Variants in BRINP1 observed in about 807,000 individuals in gnomAD.
The protein encoded by BRINP1 is BMP/retinoic acid inducible neural specific 1.
A neutral mutation model predicts 72.9 loss-of-function variants in BRINP1; 17 were observed. The observed-to-expected ratio is 0.23, with a 90% confidence interval of 0.16 to 0.35. The LOEUF (loss-of-function observed/expected upper bound fraction) is 0.35, where lower values mean the gene tolerates loss of function less well. Among genes scored for constraint, BRINP1 ranks in the 10% least tolerant of loss-of-function variants. BRINP1 has a pLI of 1.00. For missense variants in BRINP1, 850 were observed against 1,001.6 expected, an observed-to-expected ratio of 0.85 and a Z score of 2.04; for synonymous variants, 418 against 378.5, an observed-to-expected ratio of 1.10 and a Z score of -1.21.
intron 3 of BRINP1, among the ~76,000 whole-genome samples, chr9:119,246,192 T>C (rs1830314451): frequency 6.6e-6 from 1 of 152,228 alleles, no homozygotes; most frequent in East Asian, 1.9e-4. Context: ...TGGTTAATAC[T>C]GAGTGTCAAC....
intron 1 of BRINP1, among the ~76,000 whole-genome samples, chr9:119,331,065 C>T (rs1342869248): frequency 6.6e-6 from 1 of 152,110 alleles, no homozygotes; most frequent in Non-Finnish European, 1.5e-5. Flanking sequence ...AAACAGTCAT[C>T]AATTTTTACT....
intron 1 of BRINP1, among the ~76,000 whole-genome samples, chr9:119,338,132 G>A (rs935723791): frequency 1.3e-5 from 2 of 152,172 alleles, no homozygotes; most frequent in Non-Finnish European, 2.9e-5. Context: ...AGTTGCAGGA[G>A]AGGATATCTA....
At chr9:119,363,277 A>G (rs1000009629) in intron 1 of BRINP1, among the ~76,000 whole-genome samples, 11 of 151,990 alleles carry the variant, frequency 7.2e-5, no homozygotes. Context: ...GATGATTATT[A>G]TTGTTGTAGA....
intron 7 of BRINP1, among the ~76,000 whole-genome samples, chr9:119,197,149 A>C (rs1829747184): frequency 1.3e-5 from 2 of 152,244 alleles, no homozygotes; most frequent in South Asian, 4.1e-4. Context: ...ATGAAACAGA[A>C]GATGCAGTAA....
At chr9:119,184,204 A>G (rs546158463) in intron 7 of BRINP1, among the ~76,000 whole-genome samples, 1 of 152,314 alleles carries the variant, frequency 6.6e-6, no homozygotes, top group South Asian at 2.1e-4. Flanking sequence ...AATAACAAGC[A>G]TGGGTGCAAA....
intron 5 of BRINP1, among the ~76,000 whole-genome samples, chr9:119,221,279 C>A (rs920112663): frequency 2.6e-5 from 4 of 152,090 alleles, no homozygotes; most frequent in Non-Finnish European, 4.4e-5. Flanking sequence ...ACAGCAAGGA[C>A]TGCACCTTTT....
At chr9:119,177,639 A>G (rs574073310) in intron 7 of BRINP1, among the ~76,000 whole-genome samples, 1 of 152,234 alleles carries the variant, frequency 6.6e-6, no homozygotes, top group African/African-American at 2.4e-5. Context: ...ACCCTTTGTA[A>G]GGACCACAGC....
chr9:119,177,274 G>C (rs1829500082), intron 7 of BRINP1, among the ~76,000 whole-genome samples: 1 of 152,158 alleles, frequency 6.6e-6, no homozygotes, highest in South Asian at 2.1e-4. Context: ...TGCTTCGTGA[G>C]ACCAATCCTA....
chr9:119,334,793 A>G lies in BRINP1; in HGVS notation c.-50-21388T>C, dbSNP rs190102776. On this transcript the variant is annotated intron_variant, in intron 1 of 7. Transcript: ENST00000265922. ...CTTTATGGAGGGGGTGGGGGAGGGGAATAGAGAGAGAGAGAGAATCATGCT... is the reference window on the plus strand; with the variant it reads ...CTTTATGGAGGGGGTGGGGGAGGGGGATAGAGAGAGAGAGAGAATCATGCT... 1.1e-4 allele frequency among the ~76,000 whole-genome samples: 17 copies of G among 151,688 alleles called. No homozygotes were observed. In the East Asian group the frequency reaches 3.1e-3, roughly 28 times the overall value.
At chr9:119,201,782 C>A (rs960100840) in intron 7 of BRINP1, among the ~76,000 whole-genome samples, 6 of 152,142 alleles carry the variant, frequency 3.9e-5, no homozygotes, top group Non-Finnish European at 7.3e-5. Flanking sequence ...GTGGCTGACA[C>A]GAGATTGGAA....
chr9:119,176,165 G>T (rs1288731816), intron 7 of BRINP1, among the ~76,000 whole-genome samples: 1 of 152,150 alleles, frequency 6.6e-6, no homozygotes, highest in East Asian at 1.9e-4. Context: ...AGGGTGAAAG[G>T]ACTGCTCAGA....
chr9:119,252,062 G>T (rs929889506), intron 2 of BRINP1, among the ~76,000 whole-genome samples: 1 of 151,832 alleles, frequency 6.6e-6, no homozygotes, highest in Non-Finnish European at 1.5e-5. Context: ...TGGCTTTCCC[G>T]CTCTCTCTGT....
intron 2 of BRINP1, among the ~76,000 whole-genome samples, chr9:119,278,580 T>C (rs1459392619): frequency 1.3e-5 from 2 of 152,194 alleles, no homozygotes; most frequent in Non-Finnish European, 2.9e-5. Flanking sequence ...TCATTTACCT[T>C]GCATCTTTTT....
Position 119,214,216 on chromosome 9 carries a change from A to G in BRINP1, c.686-61T>C, listed in dbSNP as rs528249268. The G allele has an allele frequency of 3.9e-6, 5 of 1,270,582 alleles. No individual in the cohort carries two copies. The Admixed American group carries it at 5.3e-5, about 13-fold the overall frequency. 78.7% of individuals were successfully genotyped at this position (1,270,582 alleles called of 1,614,324 possible). On this transcript the variant is annotated intron_variant, in intron 5 of 7. Coordinates refer to ENST00000265922, the MANE Select transcript of BRINP1 (RefSeq NM_014618.3). ...TTTAAAAAAAGGTGTTTCATTAACA[A>G]TTTCCAAAGGTGATACATAGGAATC...
chr9:119,240,382 G>A (rs1830234985), intron 4 of BRINP1, among the ~76,000 whole-genome samples: 1 of 152,126 alleles, frequency 6.6e-6, no homozygotes, highest in Admixed American at 6.6e-5. Context: ...CAAATTAAGT[G>A]CAGAAGACAG....
chr9:119,304,564 C>G (rs766676493), intron 2 of BRINP1, among the ~76,000 whole-genome samples: 1 of 152,174 alleles, frequency 6.6e-6, no homozygotes, highest in African/African-American at 2.4e-5. Context: ...AAAGAAATTG[C>G]CCAGAGGCAG....
chr9:119,297,220 T>C (rs1830890426), intron 2 of BRINP1, among the ~76,000 whole-genome samples: 1 of 152,184 alleles, frequency 6.6e-6, no homozygotes, highest in Middle Eastern at 3.2e-3. Flanking sequence ...AGCAATTATT[T>C]TGTCCAAAAC....
intron 2 of BRINP1, among the ~76,000 whole-genome samples, chr9:119,259,925 T>C (rs1830481458): frequency 6.6e-6 from 1 of 152,232 alleles, no homozygotes; most frequent in African/African-American, 2.4e-5. Context: ...TAATACTGCA[T>C]TTAATTGCCA....
At chr9:119,172,459 T>TAACA (rs1301804105) in intron 7 of BRINP1, among the ~76,000 whole-genome samples, 27 of 151,902 alleles carry the variant, frequency 1.8e-4, no homozygotes, top group African/African-American at 5.3e-4. Flanking sequence ...AATAGACCAA[T>TAACA]AACAGGATCT....
Sources: gnomAD v4.1 joint callset for allele counts (sites outside exome capture counted in the v4.1 genomes callset) on GRCh38, gnomAD v4.1.1 for gene constraint, MANE v1.5 for transcripts, NCBI Gene and HGNC (gene_info 2026-07-23, HGNC 2026-07-21) for gene names.